Variants in SLC12A9 observed in about 807,000 individuals in gnomAD.
The protein encoded by SLC12A9 is solute carrier family 12 member 9, also known as CCC-interacting protein 1.
A neutral mutation model predicts 66.0 loss-of-function variants in SLC12A9; 55 were observed. That is an observed-to-expected ratio of 0.83 (90% CI 0.67 to 1.04). SLC12A9 has a LOEUF of 1.04. Among genes scored for constraint, SLC12A9 ranks in the 50% least tolerant of loss-of-function variants. SLC12A9 has a pLI of 0.00. For synonymous variants in SLC12A9, 577 were observed against 569.0 expected (o/e 1.01, Z -0.20); for missense variants, 1,061 against 1,241.9 (o/e 0.85, Z 2.19).
At chr7:100,833,864 C>G (rs886452759) in intron 1 of SLC12A9, among the ~76,000 whole-genome samples, 1 of 134,128 alleles carries the variant, frequency 7.5e-6, no homozygotes, top group Non-Finnish European at 1.5e-5. Flanking sequence ...ACCCGGGAGG[C>G]GGAGCTTGCA....
chr7:100,841,080 A>AT (rs1298005978), intron 1 of SLC12A9, among the ~76,000 whole-genome samples: 2 of 151,990 alleles, frequency 1.3e-5, no homozygotes, highest in Non-Finnish European at 2.9e-5. Context: ...GGAAAAAAGA[A>AT]TTTTTTTTCC....
chr7:100,844,426 G>C (rs1458366551), intron 1 of SLC12A9, among the ~76,000 whole-genome samples: 1 of 152,088 alleles, frequency 6.6e-6, no homozygotes, highest in Non-Finnish European at 1.5e-5. Context: ...AGAAAAAGAG[G>C]TGCCCAAACA....
intron 1 of SLC12A9, among the ~76,000 whole-genome samples, chr7:100,839,321 C>A (rs1161290360): frequency 1.3e-5 from 2 of 150,988 alleles, no homozygotes; most frequent in Non-Finnish European, 3.0e-5. Flanking sequence ...GAGACTCCGT[C>A]TCAAAAAAAA....
chr7:100,865,236 G>A (rs1814996892), intron 13 of SLC12A9: 2 of 1,535,098 alleles, frequency 1.3e-6, no homozygotes, highest in South Asian at 2.4e-5. Flanking sequence ...GCGATTACAG[G>A]TGTGAGCCAC....
chr7:100,829,163 T>C (rs1051920797), intron 1 of SLC12A9, among the ~76,000 whole-genome samples: 3 of 152,132 alleles, frequency 2.0e-5, no homozygotes, highest in Admixed American at 1.3e-4. Context: ...AGTTTTCGTA[T>C]TTTTAGTAGA....
Position 100,854,138 on chromosome 7 carries a change from AC to A in SLC12A9, c.-42-17del, listed in dbSNP as rs1814239216. On this transcript the variant is annotated splice_polypyrimidine_tract_variant and intron_variant, in intron 1 of 13. Coordinates refer to ENST00000354161, the MANE Select transcript of SLC12A9 (RefSeq NM_020246.4). ...GCTCTGTGGGGGAGCTTTTGATGCA[AC>A]ATAATCTCCTTTGCAGGTCACCTAA... The A allele has an allele frequency of 6.8e-7, 1 of 1,460,006 alleles. No homozygotes were observed. The highest frequency in any genetic ancestry group is 9.1e-7 in the Non-Finnish European group (1 of 1,100,790). The allele number at this position is 1,460,006 out of a possible 1,614,324, so 90.4% of individuals were successfully genotyped here.
At chr7:100,853,016 A>G (rs1814159592) in intron 1 of SLC12A9, among the ~76,000 whole-genome samples, 181 bp downstream of exon 1, 1 of 149,062 alleles carries the variant, frequency 6.7e-6, no homozygotes, top group Non-Finnish European at 1.5e-5. Flanking sequence ...CTGTTTCGCT[A>G]GGGTGTGTTT....
chr7:100,861,356 C>T lies in SLC12A9; in HGVS notation c.1344-36C>T, dbSNP rs1584704824. ...ACTGCAGCCTCGTGTGCGGCCTGCCCTGAGTTTCTGTCCCTCCTCCCCTCC... is the reference window on the plus strand; with the variant it reads ...ACTGCAGCCTCGTGTGCGGCCTGCCTTGAGTTTCTGTCCCTCCTCCCCTCC... On this transcript the variant is annotated intron_variant, in intron 10 of 13. Transcript: ENST00000354161. The surrounding 1 kb of genome is among the most constrained non-coding windows in gnomAD (Gnocchi z 5.3). The T allele has an allele frequency of 1.2e-6, 2 of 1,611,830 alleles. No individual in the cohort carries two copies. The highest frequency in any genetic ancestry group is 1.7e-6 in the Non-Finnish European group (2 of 1,178,370).
At chr7:100,859,819 C>G in intron 7 of SLC12A9, 66 bp from the exon 8 acceptor site, 2 of 1,529,616 alleles carry the variant, frequency 1.3e-6, no homozygotes, top group East Asian at 4.6e-5. Context: ...TCCTTAAGAT[C>G]GGGGCTGGAG....
chr7:100,838,440 GTGA>G (rs1813712553), intron 1 of SLC12A9, among the ~76,000 whole-genome samples: 1 of 152,216 alleles, frequency 6.6e-6, no homozygotes, highest in Non-Finnish European at 1.5e-5. Flanking sequence ...GAGAGATGTG[GTGA>G]TGGAGAGGCC....
Position 100,854,372 on chromosome 7 carries a change from A to C in SLC12A9, c.175A>C (p.Arg59=), listed in dbSNP as rs1257764800. ...CATGTTCAGCATAGTTGTTTTTCTGAGGATTGGTGAGTGGGTCCTGGGGCG... is the reference window on the plus strand; with the variant it reads ...CATGTTCAGCATAGTTGTTTTTCTGCGGATTGGTGAGTGGGTCCTGGGGCG... ...LSMFSIVVFL[R]IGFVVGHAGL... The change falls in exon 2 of 14, where the codon AGG becomes CGG. Residue 59 remains arginine (R), a synonymous_variant. Transcript: ENST00000354161. 2 of 1,612,444 alleles carry C rather than the reference A, an allele frequency of 1.2e-6. No homozygotes were observed. Among genetic ancestry groups the C allele is most frequent in the South Asian group, 2.2e-5 (2 of 90,936 alleles).
intron 1 of SLC12A9, among the ~76,000 whole-genome samples, chr7:100,835,015 C>T (rs997136613): frequency 2.0e-5 from 3 of 152,068 alleles, no homozygotes; most frequent in Non-Finnish European, 4.4e-5. Flanking sequence ...GCCTGGGCAA[C>T]AGAGTGAGAC....
At chr7:100,842,164 C>T (rs1813803540) in intron 1 of SLC12A9, among the ~76,000 whole-genome samples, 1 of 151,852 alleles carries the variant, frequency 6.6e-6, no homozygotes, top group African/African-American at 2.4e-5. Flanking sequence ...AAGAAAGTGC[C>T]ACCCCCTCCA....
chr7:100,836,425 C>A (rs547192441), intron 1 of SLC12A9, among the ~76,000 whole-genome samples: 2 of 152,156 alleles, frequency 1.3e-5, no homozygotes, highest in South Asian at 2.1e-4. Context: ...CTCTCCCAGG[C>A]CCCACTCTTC....
At chr7:100,827,820 G>T (rs1281722700) in intron 1 of SLC12A9, among the ~76,000 whole-genome samples, 1 of 152,216 alleles carries the variant, frequency 6.6e-6, no homozygotes, top group Non-Finnish European at 1.5e-5. Flanking sequence ...GGACCCCCGG[G>T]ACAGGCCCGA....
At chr7:100,865,199 C>A in intron 13 of SLC12A9, 2 of 1,466,162 alleles carry the variant, frequency 1.4e-6, no homozygotes, top group South Asian at 2.4e-5. Context: ...CTCAGGTGAT[C>A]AACGTGCCTC....
At chr7:100,848,935 A>T (rs914216247), upstream of SLC12A9, among the ~76,000 whole-genome samples, 3 of 144,802 alleles carry the variant, frequency 2.1e-5, no homozygotes, top group Admixed American at 2.1e-4. Context: ...AAAGAAAGAA[A>T]GAGCTAGGAT....
In SLC12A9 at chr7:100,862,701, G is replaced by A; in HGVS notation, c.1732G>A (p.Val578Ile). Residue 578 changes from valine (V) to isoleucine (I), a missense_variant, in exon 13 of 14, where the codon GTA becomes ATA. Coordinates refer to ENST00000354161, the MANE Select transcript of SLC12A9 (RefSeq NM_020246.4). The stretch of plus-strand genomic sequence containing the variant: ...TGTAGACTCCCTGCCCTCGGACCCT[G>A]TACAGCCGCAGTATGGGGCATGGCT... Reference protein sequence around the residue: ...GDLDSLPSDPVQPQYGAWLSL... With the variant: ...GDLDSLPSDPIQPQYGAWLSL... 2 of 1,614,174 alleles carry A rather than the reference G, an allele frequency of 1.2e-6. No individual in the cohort carries two copies. Among genetic ancestry groups the A allele is most frequent in the Non-Finnish European group, 1.7e-6 (2 of 1,180,032 alleles).
intron 1 of SLC12A9, among the ~76,000 whole-genome samples, chr7:100,830,944 C>T (rs567703061): frequency 6.6e-6 from 1 of 152,088 alleles, no homozygotes; most frequent in Non-Finnish European, 1.5e-5. Flanking sequence ...CACTAAATTA[C>T]AGAACGTGGG....
Sources: allele counts gnomAD v4.1 joint callset (sites outside exome capture counted in the v4.1 genomes callset), GRCh38; gene constraint gnomAD v4.1.1; non-coding constraint Gnocchi (gnomAD v3.1); transcripts MANE v1.5; gene names NCBI Gene and HGNC (gene_info 2026-07-23, HGNC 2026-07-21).